Variants in LRRTM4 observed in about 807,000 individuals in gnomAD.
LRRTM4 encodes leucine rich repeat transmembrane neuronal 4.
A neutral mutation model predicts 47.6 loss-of-function variants in LRRTM4; 25 were observed. That is an observed-to-expected ratio of 0.53 (90% CI 0.38 to 0.73). The LOEUF (loss-of-function observed/expected upper bound fraction) is 0.73. Among genes scored for constraint, LRRTM4 ranks in the 30% least tolerant of loss-of-function variants. The pLI is 0.00. For synonymous variants in LRRTM4, 311 were observed against 269.5 expected, an observed-to-expected ratio of 1.15 and a Z score of -1.51; for missense variants, 638 against 713.4, an observed-to-expected ratio of 0.89 and a Z score of 1.20.
intron 3 of LRRTM4, among the ~76,000 whole-genome samples, chr2:77,477,947 GAAAGAAAGAAAGAAAGAA>G (rs1426934417): frequency 4.3e-4 from 52 of 121,092 alleles, no homozygotes; most frequent in Middle Eastern, 4.2e-3. Flanking sequence ...AAGAAAGAAA[GAAAGAAAGAAAGAAAGAA>G]AGAAAAAGAA....
rs189473871 is a variant in LRRTM4, at chr2:76,793,628, A to G, written c.1552-44712T>C. Among the ~76,000 whole-genome samples the G allele has an allele frequency of 4.8e-3, 736 of 152,258 alleles. 4 individuals carry two copies. The highest frequency in any genetic ancestry group is 6.8e-3 in the Middle Eastern group (2 of 294). ...GGTAAGTTAAGTTTTGAGGGCTACC[A>G]GGAAAAAGCGCAAAAGAGGGAACAC... On this transcript the variant is annotated intron_variant, in intron 3 of 3. Coordinates refer to ENST00000409884, the MANE Select transcript of LRRTM4 (RefSeq NM_001134745.3).
intron 3 of LRRTM4, among the ~76,000 whole-genome samples, chr2:77,501,993 G>T (rs1389958189): frequency 6.6e-6 from 1 of 151,272 alleles, no homozygotes; most frequent in Non-Finnish European, 1.5e-5. Context: ...ACTATAAATT[G>T]TTAATCATTA....
intron 3 of LRRTM4, among the ~76,000 whole-genome samples, chr2:77,166,806 C>G (rs1416668219): frequency 6.6e-6 from 1 of 152,042 alleles, no homozygotes; most frequent in African/African-American, 2.4e-5. Flanking sequence ...AAAATTAATT[C>G]AAGATGGATT....
At chr2:77,035,533 A>C (rs1678807667) in intron 3 of LRRTM4, among the ~76,000 whole-genome samples, 1 of 151,940 alleles carries the variant, frequency 6.6e-6, no homozygotes, top group African/African-American at 2.4e-5. Context: ...TTTTTAAATT[A>C]AAATAGTGTT....
At chr2:77,448,630 G>A (rs541658684) in intron 3 of LRRTM4, among the ~76,000 whole-genome samples, 9 of 150,722 alleles carry the variant, frequency 6.0e-5, no homozygotes, top group East Asian at 1.9e-4. Context: ...GTCCATTTTC[G>A]CTATCAAAAA....
chr2:77,418,199 G>A (rs542726710), intron 3 of LRRTM4, among the ~76,000 whole-genome samples: 20 of 152,202 alleles, frequency 1.3e-4, no homozygotes, highest in African/African-American at 4.3e-4. Flanking sequence ...CACAGATAAT[G>A]AGGACTTGTG....
intron 3 of LRRTM4, among the ~76,000 whole-genome samples, chr2:76,805,640 G>T (rs1037913142): frequency 2.0e-5 from 3 of 152,102 alleles, no homozygotes; most frequent in African/African-American, 4.8e-5. Flanking sequence ...AATTCATAAT[G>T]ATCTTTTCTT....
intron 3 of LRRTM4, among the ~76,000 whole-genome samples, chr2:77,287,278 A>G (rs1676692003): frequency 6.6e-6 from 1 of 152,076 alleles, no homozygotes; most frequent in South Asian, 2.1e-4. Flanking sequence ...TAGAACTTAG[A>G]GAATGGAGCA....
Position 77,518,874 on chromosome 2 carries a change from T to C in LRRTM4, c.995A>G (p.Asn332Ser). ...LFYWLKNFKG[N>S]KESTMICAGP... ...CGCACATATCATGGTGCTTTCCTTA[T>C]TTCCTTTGAAATTCTTAAGCCAATA... The change falls in exon 3 of 4, where the codon AAT (asparagine) becomes AGT (serine). Residue 332 changes from asparagine to serine, a missense_variant. Coordinates refer to ENST00000409884, the MANE Select transcript of LRRTM4 (RefSeq NM_001134745.3). 6.2e-7 allele frequency: 1 copy of C among 1,605,568 alleles called. No homozygotes were observed. Among genetic ancestry groups the C allele is most frequent in the Non-Finnish European group, 8.5e-7 (1 of 1,175,318 alleles).
At chr2:77,265,455 C>T (rs1376837428) in intron 3 of LRRTM4, among the ~76,000 whole-genome samples, 1 of 152,022 alleles carries the variant, frequency 6.6e-6, no homozygotes, top group African/African-American at 2.4e-5. Context: ...CTCTACCTTC[C>T]CGCTGCCCCT....
chr2:77,442,222 G>A (rs1413952712), intron 3 of LRRTM4, among the ~76,000 whole-genome samples: 2 of 152,024 alleles, frequency 1.3e-5, no homozygotes, highest in African/African-American at 2.4e-5. Context: ...TTTTGTCAAG[G>A]TACACATCAT....
chr2:76,807,459 C>CATAT (rs772135026), intron 3 of LRRTM4, among the ~76,000 whole-genome samples: 49 of 85,594 alleles, frequency 5.7e-4, no homozygotes, highest in Admixed American at 9.6e-4. Context: ...TATATATATA[C>CATAT]ATATATATAT....
chr2:76,864,129 GA>G (rs1438146421), intron 3 of LRRTM4, among the ~76,000 whole-genome samples: 1 of 152,152 alleles, frequency 6.6e-6, no homozygotes, highest in Admixed American at 6.5e-5. Context: ...GGGAAAATAT[GA>G]AAGCCTTTCT....
At chr2:76,767,088 C>G (rs1673485803) in intron 3 of LRRTM4, among the ~76,000 whole-genome samples, 1 of 152,064 alleles carries the variant, frequency 6.6e-6, no homozygotes, top group Non-Finnish European at 1.5e-5. Context: ...TTTTCACCAC[C>G]CTTTGCAGAT....
At chr2:77,234,886 T>G in intron 3 of LRRTM4, among the ~76,000 whole-genome samples, 1 of 152,178 alleles carries the variant, frequency 6.6e-6, no homozygotes, top group Non-Finnish European at 1.5e-5. Flanking sequence ...AACACTTACC[T>G]CTTACCCTCC....
At chr2:77,438,967 T>C (rs563124809) in intron 3 of LRRTM4, among the ~76,000 whole-genome samples, 204 of 152,226 alleles carry the variant, frequency 1.3e-3, no homozygotes, top group African/African-American at 4.7e-3. Context: ...ACAACAAAGG[T>C]AAACCAAGCT....
At chr2:77,489,027 A>T (rs1251431776) in intron 3 of LRRTM4, among the ~76,000 whole-genome samples, 8 of 151,134 alleles carry the variant, frequency 5.3e-5, no homozygotes, top group Non-Finnish European at 1.5e-5. Flanking sequence ...GAGACTACCT[A>T]TGAAAAAAAT....
rs1432319451 is a variant in LRRTM4 at position 77,042,189 on chromosome 2, A to G, written c.1552-293273T>C. 2.0e-5 allele frequency among the ~76,000 whole-genome samples: 3 copies of G among 151,536 alleles called. No homozygotes were observed. The Admixed American group carries it at 2.0e-4, about 10-fold the overall frequency. On this transcript the variant is annotated intron_variant, in intron 3 of 3. Transcript: ENST00000409884. ...TGAGAATTACACTATGAATATATAT[A>G]AGAATGTCCTTGTTTTTTAAGAAAT...
chr2:76,934,801 T>C (rs541685835), intron 3 of LRRTM4, among the ~76,000 whole-genome samples: 1 of 152,276 alleles, frequency 6.6e-6, no homozygotes, highest in East Asian at 1.9e-4. Flanking sequence ...TGAATGAATG[T>C]GTGTATGAAG....
Sources: gnomAD v4.1 joint callset for allele counts (sites outside exome capture counted in the v4.1 genomes callset) on GRCh38, gnomAD v4.1.1 for gene constraint, MANE v1.5 for transcripts, NCBI Gene and HGNC (gene_info 2026-07-23, HGNC 2026-07-21) for gene names.